PRDM1: variants seen among roughly 807,000 people sequenced by gnomAD.
PRDM1 encodes the protein PR domain zinc finger protein 1.
A neutral mutation model predicts 62.8 loss-of-function variants in PRDM1; 13 were observed. The observed-to-expected ratio is 0.21, with a 90% CI of 0.13 to 0.33. The LOEUF (loss-of-function observed/expected upper bound fraction) is 0.33. PRDM1 is among the 10% of genes least tolerant of loss of function. The probability of loss-of-function intolerance (pLI) is 1.00; values close to 1 mark genes in which losing one functional copy is unlikely to be tolerated. For missense variants in PRDM1, 895 were observed against 1,058.8 expected (o/e 0.85, Z 2.15); for synonymous variants, 396 against 417.6 (o/e 0.95, Z 0.63).
Position 106,105,395 on chromosome 6 carries a change from A to G in PRDM1, c.1235A>G (p.Lys412Arg). Residue 412 changes from lysine (K) to arginine (R), a missense_variant, in exon 5 of 7, where the codon AAG becomes AGG. Transcript: ENST00000369096. ...CCCTCGTACAACGCTCACTACCCCA[A>G]GTTCCTCTTGCCCCCCTACGGCATG... The part of the protein sequence containing the change: ...FIPSYNAHYP[K>R]FLLPPYGMNC... The G allele has an allele frequency of 6.2e-7, 1 of 1,614,094 alleles. No homozygotes were observed. The highest frequency in any genetic ancestry group is 8.5e-7 in the Non-Finnish European group (1 of 1,180,018).
At chr6:106,061,930 G>A (rs556181922) in intron 1 of PRDM1, among the ~76,000 whole-genome samples, 1 of 152,134 alleles carries the variant, frequency 6.6e-6, no homozygotes, top group Non-Finnish European at 1.5e-5. Context: ...TTCAGGAGAG[G>A]ATCTATCCTA....
chr6:106,090,838 C>G (rs996990665), intron 2 of PRDM1, among the ~76,000 whole-genome samples: 3 of 150,178 alleles, frequency 2.0e-5, no homozygotes, highest in African/African-American at 7.3e-5. Context: ...TTTTTTTTTA[C>G]AAGACCATTT....
Position 106,086,609 on chromosome 6 carries a change from ATTT to A in PRDM1, c.42+24_42+26del. 2 of 1,240,154 alleles carry A rather than the reference ATTT, an allele frequency of 1.6e-6. No individual in the cohort carries two copies. The highest frequency in any genetic ancestry group is 1.5e-5 in the African/African-American group (1 of 64,690). 76.8% of individuals were successfully genotyped at this position (1,240,154 alleles called of 1,614,324 possible). On this transcript the variant is annotated intron_variant, in intron 1 of 6. Transcript: ENST00000369096. ...GGTACGACCTTGGTAAGGAACTTGA[ATTT>A]TTTTTTTTTAATTCTGAAATTGATC... is the stretch of plus-strand genomic sequence containing the variant.
chr6:106,094,669 G>C (rs1398693795), intron 2 of PRDM1, among the ~76,000 whole-genome samples: 1 of 152,100 alleles, frequency 6.6e-6, no homozygotes, highest in African/African-American at 2.4e-5. Flanking sequence ...TTGGGAGGCC[G>C]AGGTGGGAGG....
intron 1 of PRDM1, among the ~76,000 whole-genome samples, chr6:106,056,361 T>C (rs908153552): frequency 6.6e-6 from 1 of 152,210 alleles, no homozygotes; most frequent in African/African-American, 2.4e-5. Context: ...GTGATTTGAA[T>C]TGAATGAATT....
intron 3 of PRDM1, chr6:106,098,594 G>T (rs945428551): frequency 1.5e-6 from 2 of 1,311,876 alleles, no homozygotes; most frequent in South Asian, 1.2e-5. Flanking sequence ...TGCAAGTCTG[G>T]ACATGTTTAT....
chr6:106,041,690 A>G (rs572582934), intron 1 of PRDM1, among the ~76,000 whole-genome samples: 1 of 152,234 alleles, frequency 6.6e-6, no homozygotes, highest in Non-Finnish European at 1.5e-5. Context: ...GAAAAGTTTG[A>G]CCGTATAATA....
rs1774198515 is a variant in PRDM1 at position 106,099,293 on chromosome 6, T to C, written c.412-7T>C. 6.2e-7 allele frequency: 1 copy of C among 1,614,112 alleles called. No homozygotes were observed. On this transcript the variant is annotated splice_polypyrimidine_tract_variant and splice_region_variant and intron_variant, in intron 3 of 6. Coordinates refer to ENST00000369096, the MANE Select transcript of PRDM1 (RefSeq NM_001198.4). The stretch of plus-strand genomic sequence containing the variant: ...CCTTTTACATGCCTGTCTTCTCTTT[T>C]GGACAGATCTATTCCAGAGGGGAGC...
intron 1 of PRDM1, chr6:106,078,465 CAG>C (rs1773637051): frequency 6.6e-6 from 1 of 152,228 alleles, no homozygotes; most frequent in Non-Finnish European, 1.5e-5. Flanking sequence ...ACTGCAATCG[CAG>C]AGACTGCTGC....
At chr6:106,103,142 C>G (rs1376325833) in intron 4 of PRDM1, among the ~76,000 whole-genome samples, 1 of 152,172 alleles carries the variant, frequency 6.6e-6, no homozygotes, top group Non-Finnish European at 1.5e-5. Context: ...CCCCCGTCAG[C>G]ATCTTCCCTG....
At chr6:106,001,632 C>G (rs1005801988) in intron 1 of PRDM1, among the ~76,000 whole-genome samples, 1 of 152,166 alleles carries the variant, frequency 6.6e-6, no homozygotes, top group African/African-American at 2.4e-5. Flanking sequence ...CCATCTCTAT[C>G]ATGTATCAGT....
At chr6:106,090,464 C>T (rs1029835651) in intron 2 of PRDM1, among the ~76,000 whole-genome samples, 8 of 152,156 alleles carry the variant, frequency 5.3e-5, no homozygotes, top group African/African-American at 1.9e-4. Context: ...AAGGAGTAAA[C>T]TTGAATGTAA....
At chr6:105,998,537 G>A (rs1772378694) in intron 1 of PRDM1, among the ~76,000 whole-genome samples, 1 of 152,142 alleles carries the variant, frequency 6.6e-6, no homozygotes, top group South Asian at 2.1e-4. Context: ...AAACCCATAA[G>A]TCAAATGAAT....
intron 1 of PRDM1, among the ~76,000 whole-genome samples, chr6:106,060,227 T>G (rs1489557973): frequency 6.6e-6 from 1 of 151,816 alleles, no homozygotes; most frequent in Non-Finnish European, 1.5e-5. Flanking sequence ...TAGTGGCCAG[T>G]GAGGAAGGAG....
chr6:106,098,843 A>G (rs1774184681), intron 3 of PRDM1: 3 of 1,527,992 alleles, frequency 2.0e-6, no homozygotes, highest in South Asian at 1.2e-5. Flanking sequence ...TACAGAGGCC[A>G]TAGAAAAAGC....
At chr6:106,022,147 A>C (rs1387366139) in intron 1 of PRDM1, among the ~76,000 whole-genome samples, 1 of 152,234 alleles carries the variant, frequency 6.6e-6, no homozygotes, top group Admixed American at 6.5e-5. Context: ...TGAAAGAGCA[A>C]GCTGTTCTAG....
At chr6:106,003,743 A>G (rs1172607172) in intron 1 of PRDM1, among the ~76,000 whole-genome samples, 2 of 152,144 alleles carry the variant, frequency 1.3e-5, no homozygotes, top group Non-Finnish European at 2.9e-5. Context: ...AACGTTTTGT[A>G]GGTGGTTTAT....
rs5878868 is a variant in PRDM1 at position 106,108,521 on chromosome 6, CTTTT to C, written c.*1053_*1056del. On this transcript the variant is annotated 3_prime_UTR_variant, in exon 7 of 7. Coordinates refer to ENST00000369096, the MANE Select transcript of PRDM1 (RefSeq NM_001198.4). Reference sequence around the variant, plus strand: ...GGTGTTTTGTTGTTGGTTTTTGTTGCTTTTTTTTTTTTTTTTTTTTTAATGTCAA... The same window carrying C: ...GGTGTTTTGTTGTTGGTTTTTGTTGCTTTTTTTTTTTTTTTTTAATGTCAA... 5.9e-3 allele frequency: 857 copies of C among 144,970 alleles called. No homozygotes were observed. The highest frequency in any genetic ancestry group is 0.02 in the East Asian group (226 of 11,566). The allele number at this position is 144,970 out of a possible 1,614,324, so 9.0% of individuals were successfully genotyped here.
At chr6:106,085,387 T>TTA, upstream of PRDM1, among the ~76,000 whole-genome samples, 1 of 152,246 alleles carries the variant, frequency 6.6e-6, no homozygotes, top group East Asian at 1.9e-4. Flanking sequence ...TTTCTCTGAA[T>TTA]TAAAGGATTC....
Sources: allele counts gnomAD v4.1 joint callset (sites outside exome capture counted in the v4.1 genomes callset), GRCh38; gene constraint gnomAD v4.1.1; transcripts MANE v1.5; gene names NCBI Gene and HGNC (gene_info 2026-07-23, HGNC 2026-07-21).